The following KMT2E variants were observed in gnomAD, a reference collection of about 807,000 sequenced individuals.
The protein encoded by KMT2E is lysine methyltransferase 2E (inactive).
KMT2E carries 30 observed loss-of-function variants against 184.6 expected under a neutral mutation model. The observed-to-expected ratio is 0.16, with a 90% CI of 0.12 to 0.22. KMT2E has a LOEUF of 0.22. Ranked by LOEUF, KMT2E falls within the 10% of genes least tolerant of loss-of-function variation. The probability of loss-of-function intolerance (pLI) is 1.00; values close to 1 mark genes in which losing one functional copy is unlikely to be tolerated. For missense variants in KMT2E, 2,023 were observed against 2,237.4 expected, an observed-to-expected ratio of 0.90 and a Z score of 1.93; for synonymous variants, 815 against 776.5, an observed-to-expected ratio of 1.05 and a Z score of -0.82.
At chr7:105,033,418 T>C (rs1399797314) in intron 1 of KMT2E, among the ~76,000 whole-genome samples, 1 of 152,248 alleles carries the variant, frequency 6.6e-6, no homozygotes, top group Non-Finnish European at 1.5e-5. Context: ...CCATTTAGTG[T>C]TGCTATAACA....
At chr7:105,097,805 TAAGTAACGTG>T (rs1798476850) in intron 15 of KMT2E, among the ~76,000 whole-genome samples, 1 of 152,352 alleles carries the variant, frequency 6.6e-6, no homozygotes, top group East Asian at 1.9e-4. Context: ...TACATGTCTT[TAAGTAACGTG>T]ATACGTGCTT....
At chr7:105,103,071 A>G (rs1798724747) in intron 17 of KMT2E, 1 of 152,184 alleles carries the variant, frequency 6.6e-6, no homozygotes, top group African/African-American at 2.4e-5. Flanking sequence ...CTGCACCGCC[A>G]TAGCTTAAGC....
At chr7:105,058,813 T>C (rs1165838277) in intron 3 of KMT2E, among the ~76,000 whole-genome samples, 3 of 152,212 alleles carry the variant, frequency 2.0e-5, no homozygotes, top group African/African-American at 7.2e-5. Context: ...CATTTTGAAT[T>C]CTTGGAGTAT....
chr7:105,088,253 C>T (rs1450228414), intron 13 of KMT2E, among the ~76,000 whole-genome samples: 1 of 152,184 alleles, frequency 6.6e-6, no homozygotes, highest in East Asian at 1.9e-4. Context: ...TAATACTCAC[C>T]TAAAGTGCTT....
At chr7:105,087,180 A>G (rs1798010281) in intron 13 of KMT2E, among the ~76,000 whole-genome samples, 1 of 147,122 alleles carries the variant, frequency 6.8e-6, no homozygotes, top group Non-Finnish European at 1.5e-5. Flanking sequence ...TAAAATATAT[A>G]TTAGCATATA....
chr7:105,023,563 G>A (rs936671912), intron 1 of KMT2E, among the ~76,000 whole-genome samples: 1 of 150,844 alleles, frequency 6.6e-6, no homozygotes, highest in African/African-American at 2.4e-5. Context: ...TCCTGCCTCA[G>A]CCTCCCTAGT....
At chr7:105,025,291 GATA>G (rs1271837210) in intron 1 of KMT2E, among the ~76,000 whole-genome samples, 1 of 152,038 alleles carries the variant, frequency 6.6e-6, no homozygotes, top group Non-Finnish European at 1.5e-5. Context: ...GCAAAATGGA[GATA>G]ATAATAGAGC....
At chr7:105,074,848 A>G (rs774274180) in intron 8 of KMT2E, 33 bp downstream of exon 8, 3 of 1,503,892 alleles carry the variant, frequency 2.0e-6, no homozygotes, top group East Asian at 2.4e-5. Context: ...GTGAGTGGAT[A>G]GGATAGCGGA....
chr7:105,038,816 CATT>C (rs138914892), intron 2 of KMT2E, among the ~76,000 whole-genome samples: 5,471 of 152,176 alleles, frequency 0.036, 343 homozygotes, highest in African/African-American at 0.12. Flanking sequence ...CGAATTTTCT[CATT>C]ATAAGATTTT....
At chr7:105,062,390 C>G in intron 4 of KMT2E, 112 bp downstream of exon 4, 1 of 591,716 alleles carries the variant, frequency 1.7e-6, no homozygotes, top group Non-Finnish European at 2.9e-6. Context: ...TTGTTTCATA[C>G]TATCAAAATA....
In KMT2E at chr7:105,026,603, G is replaced by T. The variant is rs117725932; in HGVS notation, c.-188-11523G>T. ...TTTTTTCAAATGTAAGCCTGTAATT[G>T]GTGTACAGTAACCTAGTTGCTGTAT... is the stretch of plus-strand genomic sequence containing the variant. On this transcript the variant is annotated intron_variant, in intron 1 of 26. Transcript: ENST00000311117. Among the ~76,000 whole-genome samples, 490 of 152,230 alleles carry T rather than the reference G, an allele frequency of 3.2e-3. 2 individuals carry two copies. The highest frequency in any genetic ancestry group is 5.5e-3 in the Non-Finnish European group (374 of 67,982).
chr7:105,034,979 C>T (rs982719238), intron 1 of KMT2E, among the ~76,000 whole-genome samples: 4 of 151,438 alleles, frequency 2.6e-5, no homozygotes, highest in African/African-American at 9.7e-5. Context: ...CCTCAGTCTC[C>T]TGATTAGCTG....
chr7:105,023,402 CAAAA>C (rs1158885663), intron 1 of KMT2E, among the ~76,000 whole-genome samples: 12 of 55,922 alleles, frequency 2.1e-4, no homozygotes, highest in East Asian at 1.7e-3. Context: ...GACTCTGTCT[CAAAA>C]AAAAAAAAAA....
chr7:105,029,725 T>G (rs1795323968), intron 1 of KMT2E, among the ~76,000 whole-genome samples: 1 of 152,192 alleles, frequency 6.6e-6, no homozygotes, highest in Non-Finnish European at 1.5e-5. Context: ...AAAGAAAGTT[T>G]CACTTTGAAG....
chr7:105,087,239 A>G (rs1029189718), intron 13 of KMT2E, among the ~76,000 whole-genome samples: 15 of 146,092 alleles, frequency 1.0e-4, no homozygotes, highest in Admixed American at 5.5e-4. Flanking sequence ...GCATATATAT[A>G]AAGAGATACC....
chr7:105,099,677 G>A (rs1466395239), intron 15 of KMT2E, among the ~76,000 whole-genome samples: 3 of 152,122 alleles, frequency 2.0e-5, no homozygotes, highest in Non-Finnish European at 4.4e-5. Flanking sequence ...TTCCTTGGGT[G>A]CCCACCTGTG....
At chr7:105,027,919 A>G (rs1467424477) in intron 1 of KMT2E, among the ~76,000 whole-genome samples, 2 of 152,152 alleles carry the variant, frequency 1.3e-5, no homozygotes, top group Non-Finnish European at 2.9e-5. Flanking sequence ...TTTTAAATAC[A>G]TCTGAAATAT....
chr7:105,107,605 A>G lies in KMT2E; in HGVS notation c.3148A>G (p.Asn1050Asp). The part of the protein sequence containing the change: ...ETPAHDRAEP[N>D]SQLDSTHSGR... The stretch of plus-strand genomic sequence containing the variant: ...GCCTGCACATGACAGGGCTGAGCCC[A>G]ACAGCCAACTGGACTCGACTCACTC... Residue 1050 changes from asparagine to aspartate, a missense_variant, in exon 22 of 27, where the codon AAC becomes GAC. Physicochemically the swap from Asn to Asp is conservative, Grantham distance 23. This residue lies in a region of KMT2E where 1,108 missense variants were observed against 1,050.9 expected (regional missense o/e 1.05). Transcript: ENST00000311117. The G allele has an allele frequency of 6.2e-7, 1 of 1,614,166 alleles. No individual in the cohort carries two copies. Among genetic ancestry groups the G allele is most frequent in the East Asian group, 2.2e-5 (1 of 44,870 alleles).
In KMT2E at chr7:105,103,083, A is replaced by T. The variant is rs546319448; in HGVS notation, c.2196+889A>T. 3.9e-5 allele frequency: 6 copies of T among 152,332 alleles called. No individual in the cohort carries two copies. In the South Asian group the frequency reaches 1.2e-3, roughly 32 times the overall value. The allele number at this position is 152,332 out of a possible 1,614,324, so 9.4% of individuals were successfully genotyped here. A position where few individuals can be genotyped will look rare whatever the true frequency, so the allele number is the denominator to read the frequency against. The stretch of plus-strand genomic sequence containing the variant: ...TTACTGCACCGCCATAGCTTAAGCA[A>T]CCCAATATTTGCCTGTAACAATGGA... On this transcript the variant is annotated intron_variant, in intron 17 of 26. Transcript: ENST00000311117.
Sources: allele counts gnomAD v4.1 joint callset (sites outside exome capture counted in the v4.1 genomes callset), GRCh38; gene constraint gnomAD v4.1.1; regional missense constraint gnomAD v4.1.1; transcripts MANE v1.5; gene names NCBI Gene and HGNC (gene_info 2026-07-23, HGNC 2026-07-21).